The following NPFFR2 variants were observed in gnomAD, a reference collection of about 807,000 sequenced individuals.
The protein encoded by NPFFR2 is G-protein coupled receptor 74.
Under a neutral mutation model 13.1 loss-of-function variants are expected in NPFFR2, and 15 were observed. That is an observed-to-expected ratio of 1.15 (90% CI 0.77 to 1.76). NPFFR2 has a LOEUF of 1.76. Ranked by LOEUF, NPFFR2 falls within the 40% of genes most tolerant of loss-of-function variation. The pLI, the probability that NPFFR2 is intolerant of heterozygous loss-of-function variation, is 0.00. For missense variants in NPFFR2, 572 were observed against 503.5 expected (o/e 1.14, Z -1.30); for synonymous variants, 190 against 175.7 (o/e 1.08, Z -0.65).
chr4:72,115,595 C>A (rs73824743), intron 1 of NPFFR2, among the ~76,000 whole-genome samples: 2,354 of 152,222 alleles, frequency 0.015, 66 homozygotes, highest in African/African-American at 0.053. Context: ...TCAAATAACT[C>A]CCCTGGGTTG....
At chr4:72,095,708 G>A (rs1461981790) in intron 1 of NPFFR2, among the ~76,000 whole-genome samples, 3 of 152,146 alleles carry the variant, frequency 2.0e-5, no homozygotes, top group Non-Finnish European at 2.9e-5. Flanking sequence ...TATCATTTAG[G>A]GAGGGAGAGG....
intron 1 of NPFFR2, among the ~76,000 whole-genome samples, chr4:72,068,176 A>G (rs1224181269): frequency 2.0e-5 from 3 of 152,178 alleles, no homozygotes; most frequent in Non-Finnish European, 4.4e-5. Flanking sequence ...AATATCACAG[A>G]CTGAGTAATT....
At chr4:72,095,849 T>C in intron 1 of NPFFR2, among the ~76,000 whole-genome samples, 1 of 152,158 alleles carries the variant, frequency 6.6e-6, no homozygotes, top group Non-Finnish European at 1.5e-5. Flanking sequence ...CATTCTCTGC[T>C]CCGTAGCCTC....
intron 1 of NPFFR2, among the ~76,000 whole-genome samples, chr4:72,062,805 G>T (rs1178502583): frequency 6.6e-6 from 1 of 152,176 alleles, no homozygotes; most frequent in Non-Finnish European, 1.5e-5. Flanking sequence ...ATTCAGCCCA[G>T]TTGTCTCAGT....
At chr4:72,057,959 G>A (rs1298529564) in intron 1 of NPFFR2, among the ~76,000 whole-genome samples, 1 of 152,000 alleles carries the variant, frequency 6.6e-6, no homozygotes, top group Non-Finnish European at 1.5e-5. Flanking sequence ...CAAATGGAGT[G>A]GCATTCTGAT....
chr4:72,142,057 T>C (rs1304702482), intron 3 of NPFFR2, among the ~76,000 whole-genome samples: 1 of 152,240 alleles, frequency 6.6e-6, no homozygotes, highest in African/African-American at 2.4e-5. Flanking sequence ...TTAACGTCTG[T>C]TTTATCAGAG....
At chr4:72,049,799 A>G (rs1719489348) in intron 1 of NPFFR2, among the ~76,000 whole-genome samples, 1 of 151,454 alleles carries the variant, frequency 6.6e-6, no homozygotes, top group Non-Finnish European at 1.5e-5. Flanking sequence ...AGTGCTAGTG[A>G]TAAGAGCTAT....
chr4:72,079,300 C>T (rs1226516325), intron 1 of NPFFR2, among the ~76,000 whole-genome samples: 4 of 151,828 alleles, frequency 2.6e-5, no homozygotes, highest in Admixed American at 6.6e-5. Flanking sequence ...GTTTGATCTT[C>T]GTCTTCTATT....
intron 2 of NPFFR2, among the ~76,000 whole-genome samples, chr4:72,133,726 C>T (rs370844867): frequency 1.4e-4 from 21 of 152,134 alleles, no homozygotes; most frequent in African/African-American, 4.1e-4. Flanking sequence ...CTTTCACCTC[C>T]GTAGTTAGCT....
chr4:72,104,625 A>G (rs1311188512), intron 1 of NPFFR2, among the ~76,000 whole-genome samples: 1 of 152,002 alleles, frequency 6.6e-6, no homozygotes, highest in African/African-American at 2.4e-5. Flanking sequence ...GTTATGTCCC[A>G]TGTTATAAAG....
chr4:72,127,357 T>TTTC (rs1334062963), intron 1 of NPFFR2, among the ~76,000 whole-genome samples: 1 of 132,096 alleles, frequency 7.6e-6, no homozygotes, highest in Non-Finnish European at 1.5e-5. Flanking sequence ...AATAATTTCT[T>TTTC]TTCTTTTTTT....
intron 2 of NPFFR2, 105 bp from the exon 3 acceptor site, chr4:72,137,935 G>A: frequency 1.3e-6 from 1 of 788,774 alleles, no homozygotes; most frequent in Non-Finnish European, 2.1e-6. Context: ...TGCCTATCAT[G>A]TAGAAAACAG....
intron 1 of NPFFR2, among the ~76,000 whole-genome samples, chr4:72,090,371 T>A (rs1720885553): frequency 6.6e-6 from 1 of 152,088 alleles, no homozygotes; most frequent in South Asian, 2.1e-4. Context: ...TTGATGATGG[T>A]ATTTTGATGT....
rs116290586 is a variant in NPFFR2, at chr4:72,081,167, G to A, written c.-7-47418G>A. Among the ~76,000 whole-genome samples, 505 of 152,182 alleles carry A rather than the reference G, an allele frequency of 3.3e-3. 5 individuals carry two copies. The highest frequency in any genetic ancestry group is 0.011 in the African/African-American group (465 of 41,522). On this transcript the variant is annotated intron_variant, in intron 1 of 3. Transcript: ENST00000308744. ...TCCTACTCTTGTCTAAGACAGGAAC[G>A]GGCAAAGTATCTACAGTCCCATTGC...
At chr4:72,108,268 A>G (rs1721472217) in intron 1 of NPFFR2, among the ~76,000 whole-genome samples, 1 of 152,018 alleles carries the variant, frequency 6.6e-6, no homozygotes, top group South Asian at 2.1e-4. Flanking sequence ...ATACTTAGGG[A>G]TAGCCTATTA....
intron 1 of NPFFR2, among the ~76,000 whole-genome samples, chr4:72,041,212 A>T (rs59648667): frequency 0.16 from 25,032 of 151,986 alleles, 4,858 homozygotes; most frequent in East Asian, 0.48. Context: ...TGCGTTTCCA[A>T]TGATTAGCTC....
intron 3 of NPFFR2, among the ~76,000 whole-genome samples, chr4:72,140,659 G>T (rs923052864): frequency 6.6e-6 from 1 of 152,172 alleles, no homozygotes; most frequent in Non-Finnish European, 1.5e-5. Flanking sequence ...GATTCTATTT[G>T]CCAGTATTTC....
Position 72,032,028 on chromosome 4 carries a change from G to T in NPFFR2, c.-180G>T. Reference sequence around the variant, plus strand: ...CAGCGTCCAGCAGCGCGGCGGGCCAGCCTGGAGCGGAAGCCTGGAGTGGAG... The same window carrying T: ...CAGCGTCCAGCAGCGCGGCGGGCCATCCTGGAGCGGAAGCCTGGAGTGGAG... On this transcript the variant is annotated 5_prime_UTR_variant, in exon 1 of 4. Transcript: ENST00000308744. The T allele has an allele frequency of 1.2e-6, 2 of 1,613,950 alleles. No homozygotes were observed. The highest frequency in any genetic ancestry group is 1.7e-6 in the Non-Finnish European group (2 of 1,179,972).
In NPFFR2 at chr4:72,138,034, T is replaced by C; in HGVS notation, c.329-6T>C. The C allele has an allele frequency of 1.9e-6, 3 of 1,604,874 alleles. No individual in the cohort carries two copies. Among genetic ancestry groups the C allele is most frequent in the South Asian group, 2.2e-5 (2 of 90,000 alleles). On this transcript the variant is annotated splice_region_variant and splice_polypyrimidine_tract_variant and intron_variant, in intron 2 of 3. Coordinates refer to ENST00000308744, the MANE Select transcript of NPFFR2 (RefSeq NM_004885.3). ...CTTTTGAAAGACTGTTTCATTTTCC[T>C]TTCAGGATGGCCATTTGGAAACACG...
Sources: gnomAD v4.1 joint callset for allele counts (sites outside exome capture counted in the v4.1 genomes callset) on GRCh38, gnomAD v4.1.1 for gene constraint, MANE v1.5 for transcripts, NCBI Gene and HGNC (gene_info 2026-07-23, HGNC 2026-07-21) for gene names.